CDC42BPA: variants seen among roughly 807,000 people sequenced by gnomAD.
CDC42BPA encodes CDC42 binding protein kinase alpha, also known as serine/threonine-protein kinase MRCK alpha.
Under a neutral mutation model 223.5 loss-of-function variants are expected in CDC42BPA, and 80 were observed. The ratio of observed to expected loss-of-function variants is 0.36; its 90% CI spans 0.30 to 0.43. The LOEUF is 0.43. Ranked by LOEUF, CDC42BPA falls within the 20% of genes least tolerant of loss-of-function variation. The pLI is 1.00. For synonymous variants in CDC42BPA, 694 were observed against 718.6 expected, an observed-to-expected ratio of 0.97 and a Z score of 0.55; for missense variants, 1,743 against 2,099.9, an observed-to-expected ratio of 0.83 and a Z score of 3.32.
At chr1:227,273,584 G>A (rs1686356843) in intron 1 of CDC42BPA, among the ~76,000 whole-genome samples, 1 of 150,814 alleles carries the variant, frequency 6.6e-6, no homozygotes, top group Non-Finnish European at 1.5e-5. Flanking sequence ...AAAGAGGCAA[G>A]ACCTGGCTGT....
intron 1 of CDC42BPA, among the ~76,000 whole-genome samples, chr1:227,276,018 C>T (rs947283023): frequency 1.3e-5 from 2 of 152,214 alleles, no homozygotes; most frequent in Non-Finnish European, 2.9e-5. Context: ...TCTGCCCAGC[C>T]GCCACCCCCT....
chr1:227,264,848 T>C, intron 1 of CDC42BPA: 2 of 1,527,650 alleles, frequency 1.3e-6, no homozygotes, highest in African/African-American at 1.4e-5. Context: ...TGTAATTCCT[T>C]CAGGTAAGTC....
chr1:227,165,057 C>T (rs1664790222), intron 5 of CDC42BPA, among the ~76,000 whole-genome samples: 1 of 149,866 alleles, frequency 6.7e-6, no homozygotes, highest in Non-Finnish European at 1.5e-5. Context: ...CATGCAACAG[C>T]ACTGAATTAA....
At chr1:227,013,917 T>C (rs1354729195) in intron 34 of CDC42BPA, among the ~76,000 whole-genome samples, 1 of 152,150 alleles carries the variant, frequency 6.6e-6, no homozygotes, top group Non-Finnish European at 1.5e-5. Flanking sequence ...TTAATTAAAA[T>C]ACTACACAGC....
chr1:227,196,338 C>CTTTTTTTTTTTTCTTTT (rs1670687969), intron 4 of CDC42BPA, among the ~76,000 whole-genome samples: 1 of 92,352 alleles, frequency 1.1e-5, no homozygotes, highest in South Asian at 4.0e-4. Flanking sequence ...TTAAACAATA[C>CTTTTTTTTTTTTCTTTT]TTTTTTTTTT....
At chr1:227,089,171 A>G (rs1297597345) in intron 16 of CDC42BPA, among the ~76,000 whole-genome samples, 1 of 152,214 alleles carries the variant, frequency 6.6e-6, no homozygotes, top group Non-Finnish European at 1.5e-5. Flanking sequence ...AATTAACCTA[A>G]TAATTGCTTT....
intron 5 of CDC42BPA, among the ~76,000 whole-genome samples, chr1:227,190,956 T>C (rs10799401): frequency 0.68 from 103,739 of 151,904 alleles, 35,652 homozygotes; most frequent in South Asian, 0.73. Context: ...TTTAGATGTT[T>C]AACCTAAAGA....
rs2148705591 is a variant in CDC42BPA, at chr1:227,035,560, T to C, written c.3247A>G (p.Thr1083Ala). 1.9e-6 allele frequency: 3 copies of C among 1,609,738 alleles called. No individual in the cohort carries two copies. Among genetic ancestry groups the C allele is most frequent in the African/African-American group, 1.3e-5 (1 of 74,856 alleles). ...GTCTGTTCAGGAGGAACTGGACAAG[T>C]GGTTGGAGCTTTGTTTACACAAGTT... ...HITCVNKAPT[T>A]CPVPPEQTKG... Residue 1083 changes from threonine to alanine, a missense_variant, in exon 25 of 37, where the codon ACT becomes GCT. By Grantham distance (58) the Thr-to-Ala change is moderately conservative. Around this residue, in one of 6 missense-constraint regions of CDC42BPA, gnomAD observed 678 missense variants for 777.5 expected, o/e 0.87. Coordinates refer to ENST00000366766, the MANE Select transcript of CDC42BPA (RefSeq NM_001394014.1).
At chr1:227,152,964 GA>G (rs1315682488) in intron 6 of CDC42BPA, among the ~76,000 whole-genome samples, 1 of 151,818 alleles carries the variant, frequency 6.6e-6, no homozygotes, top group Non-Finnish European at 1.5e-5. Context: ...ATCATTGTGA[GA>G]TTTTTTAAAA....
intron 2 of CDC42BPA, among the ~76,000 whole-genome samples, chr1:227,243,792 A>G (rs895441286): frequency 6.9e-6 from 1 of 145,564 alleles, no homozygotes. Context: ...ACACACACAC[A>G]CGTGTGCACA....
intron 1 of CDC42BPA, among the ~76,000 whole-genome samples, chr1:227,277,625 T>A (rs1201538663): frequency 6.6e-6 from 1 of 152,222 alleles, no homozygotes; most frequent in African/African-American, 2.4e-5. Flanking sequence ...ATAATGGAAT[T>A]TAAAAACTGA....
At position 226,994,343 on chromosome 1, in the gene CDC42BPA, G is replaced by C; in HGVS notation, c.5190C>G (p.Pro1730=). The change falls in exon 37 of 37, where the codon CCC becomes CCG. Residue 1730 remains proline, a synonymous_variant. Coordinates refer to ENST00000366766, the MANE Select transcript of CDC42BPA (RefSeq NM_001394014.1). The surrounding 1 kb of genome is among the most constrained non-coding windows in gnomAD (Gnocchi z 4.0). ...TASNSSNLSS[P]PSPASPRKTK... ...TTTTTCGGGGTGAAGCTGGGCTTGG[G>C]GGGCTGCTTAGGTTGGAACTGTTGG... 1 of 1,597,718 alleles carries C rather than the reference G, an allele frequency of 6.3e-7. No homozygotes were observed. The highest frequency in any genetic ancestry group is 8.5e-7 in the Non-Finnish European group (1 of 1,170,758).
intron 34 of CDC42BPA, among the ~76,000 whole-genome samples, chr1:227,015,576 C>G (rs568950641): frequency 6.6e-6 from 1 of 152,152 alleles, no homozygotes; most frequent in Admixed American, 6.6e-5. Context: ...TTTTCACGTA[C>G]AACTGACCAG....
intron 17 of CDC42BPA, among the ~76,000 whole-genome samples, chr1:227,080,579 A>T (rs538065513): frequency 6.6e-6 from 1 of 152,282 alleles, no homozygotes; most frequent in South Asian, 2.1e-4. Context: ...AGAAACATCC[A>T]TAGGTAGCAG....
intron 21 of CDC42BPA, among the ~76,000 whole-genome samples, chr1:227,054,461 A>G (rs538049797): frequency 1.3e-5 from 2 of 152,316 alleles, no homozygotes; most frequent in Admixed American, 1.3e-4. Flanking sequence ...ATGGAAGGTT[A>G]TATCATGAAA....
intron 2 of CDC42BPA, among the ~76,000 whole-genome samples, chr1:227,217,274 C>G (rs1675022574): frequency 2.0e-5 from 3 of 151,804 alleles, no homozygotes; most frequent in African/African-American, 4.8e-5. Flanking sequence ...TAATGAAACC[C>G]CATCTCTACT....
chr1:227,299,696 G>A (rs890640339), intron 1 of CDC42BPA, among the ~76,000 whole-genome samples: 14 of 152,020 alleles, frequency 9.2e-5, no homozygotes, highest in Non-Finnish European at 1.5e-4. Context: ...TAGATAAAAT[G>A]CAAGATAAAT....
intron 2 of CDC42BPA, among the ~76,000 whole-genome samples, chr1:227,223,107 T>C (rs999794656): frequency 1.2e-4 from 18 of 152,166 alleles, no homozygotes; most frequent in African/African-American, 3.9e-4. Context: ...AAGTGTATAG[T>C]ATGTGAATAC....
chr1:227,125,137 A>T (rs1439798038), intron 11 of CDC42BPA, among the ~76,000 whole-genome samples: 1 of 152,046 alleles, frequency 6.6e-6, no homozygotes, highest in Non-Finnish European at 1.5e-5. Flanking sequence ...AGGATTAGGA[A>T]AGGGGTAGAC....
Sources: gnomAD v4.1 joint callset for allele counts (sites outside exome capture counted in the v4.1 genomes callset) on GRCh38, gnomAD v4.1.1 for gene constraint, gnomAD v4.1.1 regional missense constraint, Gnocchi (gnomAD v3.1) non-coding constraint, MANE v1.5 for transcripts, NCBI Gene and HGNC (gene_info 2026-07-23, HGNC 2026-07-21) for gene names.